The following PAX7 variants were observed in gnomAD, a reference collection of about 807,000 sequenced individuals.
PAX7 encodes paired box protein Pax-7.
Under a neutral mutation model 50.7 loss-of-function variants are expected in PAX7, and 18 were observed. The ratio of observed to expected loss-of-function variants is 0.36; its 90% CI spans 0.25 to 0.53. PAX7 has a LOEUF of 0.53. Ranked by LOEUF, PAX7 falls within the 20% of genes least tolerant of loss-of-function variation. The pLI is 0.93. For synonymous variants in PAX7, 310 were observed against 290.4 expected, an observed-to-expected ratio of 1.07 and a Z score of -0.69; for missense variants, 644 against 702.9, an observed-to-expected ratio of 0.92 and a Z score of 0.95.
chr1:18,714,459 C>A (rs921182970), intron 7 of PAX7, among the ~76,000 whole-genome samples: 2 of 152,308 alleles, frequency 1.3e-5, no homozygotes, highest in Admixed American at 1.3e-4. Context: ...TGCTTCTCCT[C>A]GCCCTGAACA....
chr1:18,675,853 C>T (rs1466687035), intron 4 of PAX7, among the ~76,000 whole-genome samples: 6 of 152,114 alleles, frequency 3.9e-5, no homozygotes, highest in Admixed American at 3.3e-4. Context: ...GGCCAGGAGT[C>T]CCGGCAGCGG....
chr1:18,673,550 A>C (rs1343159227), intron 4 of PAX7, among the ~76,000 whole-genome samples: 1 of 152,226 alleles, frequency 6.6e-6, no homozygotes, highest in African/African-American at 2.4e-5. Context: ...AAGATTCAGT[A>C]AACTGGGCTC....
chr1:18,661,832 C>G (rs542968563), intron 4 of PAX7, among the ~76,000 whole-genome samples: 1 of 152,318 alleles, frequency 6.6e-6, no homozygotes, highest in Admixed American at 6.5e-5. Context: ...CCTCTGCCCG[C>G]GCCTTCCAGT....
chr1:18,743,583 T>C (rs1330739130), intron 8 of PAX7, among the ~76,000 whole-genome samples: 1 of 152,192 alleles, frequency 6.6e-6, no homozygotes, highest in Non-Finnish European at 1.5e-5. Flanking sequence ...ATCCCAGGGG[T>C]TTGGACTGGC....
At chr1:18,631,712 G>A (rs746245699) in intron 1 of PAX7, 24 bp downstream of exon 1, 2 of 1,590,302 alleles carry the variant, frequency 1.3e-6, no homozygotes, top group Non-Finnish European at 1.7e-6. Flanking sequence ...GGCTGGCCTC[G>A]CCGCGACTCC....
intron 4 of PAX7, among the ~76,000 whole-genome samples, chr1:18,673,255 C>T (rs2088778173): frequency 1.3e-5 from 2 of 152,206 alleles, no homozygotes; most frequent in African/African-American, 4.8e-5. Flanking sequence ...GACAATTACG[C>T]ATGCAAAGCT....
intron 3 of PAX7, among the ~76,000 whole-genome samples, chr1:18,635,493 A>AGAAGGAAGGAAGGAAGGAAGGAAGGAAG (rs759818785): frequency 4.4e-5 from 3 of 68,790 alleles, no homozygotes; most frequent in Admixed American, 4.1e-4. Context: ...AAAGGGAGGA[A>AGAAGGAAGGAAGGAAGGAAGGAAGGAAG]GAAGGAAGGA....
rs570631887 is a variant in PAX7, at chr1:18,631,679, C to G, written c.76C>G (p.Pro26Ala). 6 of 1,612,450 alleles carry G rather than the reference C, an allele frequency of 3.7e-6. No individual in the cohort carries two copies. The highest frequency in any genetic ancestry group is 1.7e-5 in the Admixed American group (1 of 59,932). ...PGQNYPRTGF[P>A]LEVSTPLGQG... The stretch of plus-strand genomic sequence containing the variant: ...GCAGAACTACCCCCGCACGGGATTC[C>G]CTTTGGAAGGTAAGAACGCCCAGGC... Residue 26 changes from proline (P) to alanine (A), a missense_variant, in exon 1 of 9, where the codon CCT becomes GCT. Transcript: ENST00000420770.
intron 4 of PAX7, among the ~76,000 whole-genome samples, chr1:18,686,853 T>C (rs919067334): frequency 6.6e-6 from 1 of 151,842 alleles, no homozygotes; most frequent in African/African-American, 2.4e-5. Context: ...GTCCTTGAAG[T>C]TGCAAATTAC....
intron 7 of PAX7, among the ~76,000 whole-genome samples, chr1:18,717,417 G>A (rs1473441345): frequency 1.3e-5 from 2 of 152,142 alleles, no homozygotes; most frequent in Admixed American, 6.5e-5. Flanking sequence ...AGTTCATTAG[G>A]GCCTTCTCCA....
chr1:18,704,997 C>T (rs957431591), intron 7 of PAX7, among the ~76,000 whole-genome samples: 4 of 152,182 alleles, frequency 2.6e-5, no homozygotes, highest in African/African-American at 9.7e-5. Flanking sequence ...AGTGAGTGCC[C>T]AGTACCTGTA....
rs1296652460 is a variant in PAX7, at chr1:18,644,490, G to A, written c.586+8119G>A. Among the ~76,000 whole-genome samples, 6 of 151,990 alleles carry A rather than the reference G, an allele frequency of 3.9e-5. No homozygotes were observed. In the East Asian group the frequency reaches 1.2e-3, roughly 29 times the overall value. ...ACCGAAAAAATAATTCTAAAACCTT[G>A]CCATTTACATACTTATATACTTTCA... On this transcript the variant is annotated intron_variant, in intron 4 of 8. Transcript: ENST00000420770.
At chr1:18,643,147 C>A (rs557316388) in intron 4 of PAX7, among the ~76,000 whole-genome samples, 1 of 152,200 alleles carries the variant, frequency 6.6e-6, no homozygotes, top group Non-Finnish European at 1.5e-5. Context: ...CATTCTAGGG[C>A]GCCTTGGGCA....
intron 2 of PAX7, 94 bp from the exon 3 acceptor site, chr1:18,635,017 G>A: frequency 6.8e-7 from 1 of 1,468,506 alleles, no homozygotes; most frequent in East Asian, 2.4e-5. Flanking sequence ...AGAACCACCA[G>A]CCTGGTCTGG....
intron 4 of PAX7, among the ~76,000 whole-genome samples, chr1:18,653,910 C>T (rs558544162): frequency 2.0e-5 from 3 of 152,224 alleles, no homozygotes; most frequent in Admixed American, 1.3e-4. Context: ...GGTCATGGGG[C>T]CTGGCAGACG....
At chr1:18,733,473 C>T (rs1313491774) in intron 7 of PAX7, among the ~76,000 whole-genome samples, 2 of 152,284 alleles carry the variant, frequency 1.3e-5, no homozygotes, top group South Asian at 2.1e-4. Flanking sequence ...TTGACACACC[C>T]CTATGTCCCA....
rs765519857 is a variant in PAX7, at chr1:18,691,920, G to T, written c.753G>T (p.Ala251=). The change falls in exon 5 of 9, where the codon GCG becomes GCT. Residue 251 remains alanine, a synonymous_variant. Transcript: ENST00000420770. ...ACATATACACCCGCGAGGAGCTGGC[G>T]CAGAGGACCAAGCTGACAGAGGCGC... ...YPDIYTREEL[A]QRTKLTEARV... is the part of the protein sequence containing the mutation. The T allele has an allele frequency of 1.9e-6, 3 of 1,613,964 alleles. No homozygotes were observed. Among genetic ancestry groups the T allele is most frequent in the Middle Eastern group, 1.6e-4 (1 of 6,062 alleles).
chr1:18,673,044 C>A (rs2088775400), intron 4 of PAX7, among the ~76,000 whole-genome samples: 1 of 152,176 alleles, frequency 6.6e-6, no homozygotes, highest in Non-Finnish European at 1.5e-5. Context: ...AAGGCCTCCT[C>A]ACTGCCCTCC....
chr1:18,682,013 C>T (rs1173738125), intron 4 of PAX7, among the ~76,000 whole-genome samples: 1 of 152,152 alleles, frequency 6.6e-6, no homozygotes, highest in Non-Finnish European at 1.5e-5. Flanking sequence ...GCTGGGATTA[C>T]AGGTGTGGGC....
Sources: allele counts gnomAD v4.1 joint callset (sites outside exome capture counted in the v4.1 genomes callset), GRCh38; gene constraint gnomAD v4.1.1; transcripts MANE v1.5; gene names NCBI Gene and HGNC (gene_info 2026-07-23, HGNC 2026-07-21).